The following SLC24A3 variants were observed in gnomAD, a reference collection of about 807,000 sequenced individuals.
The protein encoded by SLC24A3 is solute carrier family 24 member 3, also known as sodium/potassium/calcium exchanger 3.
In SLC24A3, 28 loss-of-function variants were observed where a neutral mutation model predicts 75.8. That is an observed-to-expected ratio of 0.37 (90% confidence interval 0.27 to 0.51). The LOEUF (loss-of-function observed/expected upper bound fraction) is 0.51, where lower values mean the gene tolerates loss of function less well. Among genes scored for constraint, SLC24A3 ranks in the 20% least tolerant of loss-of-function variants. The pLI is 0.94. For synonymous variants in SLC24A3, 372 were observed against 334.1 expected (o/e 1.11, Z -1.24); for missense variants, 663 against 847.8 (o/e 0.78, Z 2.71).
At chr20:19,708,297 G>A (rs544929852) in intron 15 of SLC24A3, among the ~76,000 whole-genome samples, 148 of 152,210 alleles carry the variant, frequency 9.7e-4, no homozygotes, top group African/African-American at 3.5e-3. Context: ...ACTCCCTGAG[G>A]GCAGAAACTG....
chr20:19,521,508 T>C (rs936926526), intron 3 of SLC24A3, among the ~76,000 whole-genome samples: 5 of 152,146 alleles, frequency 3.3e-5, no homozygotes, highest in Non-Finnish European at 7.4e-5. Flanking sequence ...GATGTGTTCT[T>C]GAAGGAGCAT....
At chr20:19,263,534 T>C (rs1406509197) in intron 1 of SLC24A3, among the ~76,000 whole-genome samples, 1 of 152,206 alleles carries the variant, frequency 6.6e-6, no homozygotes, top group Non-Finnish European at 1.5e-5. Flanking sequence ...GGCTGAAATA[T>C]GCAAAGCAAG....
chr20:19,630,289 A>G (rs1358572547), intron 6 of SLC24A3, among the ~76,000 whole-genome samples: 1 of 152,244 alleles, frequency 6.6e-6, no homozygotes, highest in African/African-American at 2.4e-5. Flanking sequence ...TATCTGTTTA[A>G]TAATCACATT....
intron 2 of SLC24A3, among the ~76,000 whole-genome samples, chr20:19,506,454 G>A (rs979412736): frequency 1.3e-5 from 2 of 152,072 alleles, no homozygotes; most frequent in African/African-American, 4.8e-5. Context: ...AGAAAAAAGG[G>A]GGTAATTTGT....
chr20:19,696,897 T>C lies in SLC24A3; in HGVS notation c.1592T>C (p.Ile531Thr), dbSNP rs1402127102. The change falls in exon 14 of 17, where the codon ATT becomes ACT. Residue 531 changes from isoleucine (I) to threonine (T), a missense_variant. Ile to Thr is a moderately conservative substitution (Grantham distance 89). Around this residue, in one of 2 missense-constraint regions of SLC24A3, gnomAD observed 510 missense variants for 703.6 expected, o/e 0.72. Coordinates refer to ENST00000328041, the MANE Select transcript of SLC24A3 (RefSeq NM_020689.4). ...TSVPDCMASL[I>T]VARQGMGDMA... ...GTGCCTGACTGCATGGCCAGCCTCA[T>C]TGTGGCCAGACAAGGTGGGACTTCC... 3.1e-6 allele frequency: 5 copies of C among 1,603,456 alleles called. No homozygotes were observed. Among genetic ancestry groups the C allele is most frequent in the Non-Finnish European group, 2.6e-6 (3 of 1,175,104 alleles).
chr20:19,378,639 C>T (rs962774512), intron 2 of SLC24A3, among the ~76,000 whole-genome samples: 4 of 152,054 alleles, frequency 2.6e-5, no homozygotes, highest in African/African-American at 7.2e-5. Flanking sequence ...TTTCCTTTAC[C>T]TTCCACCCAA....
intron 1 of SLC24A3, among the ~76,000 whole-genome samples, chr20:19,255,757 T>C (rs1982796568): frequency 6.6e-6 from 1 of 152,146 alleles, no homozygotes; most frequent in Non-Finnish European, 1.5e-5. Context: ...AAATGCACAG[T>C]GGCTTTTAAG....
At chr20:19,316,980 G>A (rs1479707743) in intron 2 of SLC24A3, among the ~76,000 whole-genome samples, 2 of 151,920 alleles carry the variant, frequency 1.3e-5, no homozygotes, top group East Asian at 1.9e-4. Context: ...TCTTCCTGGC[G>A]CTCTCCCTCC....
chr20:19,325,786 A>ATATC (rs1984836028), intron 2 of SLC24A3, among the ~76,000 whole-genome samples: 2 of 96,462 alleles, frequency 2.1e-5, no homozygotes, highest in South Asian at 8.1e-4. Flanking sequence ...ACATATATAT[A>ATATC]TATATATATA....
chr20:19,411,240 A>G (rs1203197913), intron 2 of SLC24A3, among the ~76,000 whole-genome samples: 1 of 152,146 alleles, frequency 6.6e-6, no homozygotes, highest in Non-Finnish European at 1.5e-5. Context: ...GAATCTCCCC[A>G]TGTTCCCAAA....
chr20:19,630,175 C>T (rs1437568084), intron 6 of SLC24A3, among the ~76,000 whole-genome samples: 2 of 152,132 alleles, frequency 1.3e-5, no homozygotes, highest in Admixed American at 6.6e-5. Flanking sequence ...TAAGAGATTC[C>T]ATTTTGAGCA....
intron 2 of SLC24A3, among the ~76,000 whole-genome samples, chr20:19,376,612 T>A (rs922859096): frequency 6.6e-6 from 1 of 151,106 alleles, no homozygotes; most frequent in East Asian, 1.9e-4. Flanking sequence ...CCAAGTTTTC[T>A]GAAAGGTCAT....
At chr20:19,299,468 G>A (rs1257026110) in intron 2 of SLC24A3, among the ~76,000 whole-genome samples, 3 of 152,090 alleles carry the variant, frequency 2.0e-5, no homozygotes, top group African/African-American at 7.2e-5. Flanking sequence ...CTCCAGTGAA[G>A]CTCAAAACAG....
intron 2 of SLC24A3, among the ~76,000 whole-genome samples, chr20:19,418,264 C>G (rs184822638): frequency 3.3e-5 from 5 of 152,226 alleles, no homozygotes; most frequent in African/African-American, 4.8e-5. Context: ...AGCTTCAGGT[C>G]TAGGAGAAGT....
rs541873708 is a variant in SLC24A3, at chr20:19,359,300, C to T, written c.271+78213C>T. 4.7e-4 allele frequency among the ~76,000 whole-genome samples: 72 copies of T among 152,266 alleles called. No individual in the cohort carries two copies. The South Asian group carries it at 0.014, about 31-fold the overall frequency. Reference sequence around the variant, plus strand: ...TTCAAATTTCCCATGTTTATGATTCCTCTGTTCCTAAAAGAATCCTTAATT... The same window carrying T: ...TTCAAATTTCCCATGTTTATGATTCTTCTGTTCCTAAAAGAATCCTTAATT... On this transcript the variant is annotated intron_variant, in intron 2 of 16. Transcript: ENST00000328041.
chr20:19,299,323 G>T (rs1984142461), intron 2 of SLC24A3, among the ~76,000 whole-genome samples: 1 of 152,186 alleles, frequency 6.6e-6, no homozygotes, highest in East Asian at 1.9e-4. Context: ...AAGCCATCCT[G>T]CCACAGCAGT....
intron 1 of SLC24A3, 150 bp from the exon 2 acceptor site, chr20:19,280,809 A>C: frequency 9.3e-7 from 1 of 1,081,024 alleles, no homozygotes; most frequent in Non-Finnish European, 1.3e-6. Context: ...TGGTGCGGCA[A>C]GGAAGCCTTC....
intron 2 of SLC24A3, among the ~76,000 whole-genome samples, chr20:19,494,511 C>T (rs984947135): frequency 6.6e-6 from 1 of 152,138 alleles, no homozygotes; most frequent in Non-Finnish European, 1.5e-5. Context: ...CTTCTTCAAG[C>T]TTCAAAGGGA....
chr20:19,255,198 G>T (rs1982777268), intron 1 of SLC24A3, among the ~76,000 whole-genome samples: 1 of 152,234 alleles, frequency 6.6e-6, no homozygotes, highest in East Asian at 1.9e-4. Flanking sequence ...GGAGATGTAT[G>T]TATTGTTCCT....
Sources: allele counts gnomAD v4.1 joint callset (sites outside exome capture counted in the v4.1 genomes callset), GRCh38; gene constraint gnomAD v4.1.1; regional missense constraint gnomAD v4.1.1; transcripts MANE v1.5; gene names NCBI Gene and HGNC (gene_info 2026-07-23, HGNC 2026-07-21).